Variants in ACTR3C observed in about 807,000 individuals in gnomAD.
The protein encoded by ACTR3C is actin-related protein 3C.
Under a neutral mutation model 26.3 loss-of-function variants are expected in ACTR3C, and 18 were observed. The ratio of observed to expected loss-of-function variants is 0.68; its 90% CI spans 0.47 to 1.01. ACTR3C has a LOEUF of 1.01. ACTR3C is among the 50% of genes least tolerant of loss of function. The pLI is 0.00. For missense variants in ACTR3C, 184 were observed against 250.7 expected, an observed-to-expected ratio of 0.73 and a Z score of 1.80; for synonymous variants, 55 against 94.5, an observed-to-expected ratio of 0.58 and a Z score of 2.42.
the ACTR3C span, among the ~76,000 whole-genome samples, chr7:150,035,406 AG>A: frequency 2.8e-4 from 7 of 24,776 alleles, 1 homozygote; most frequent in Admixed American, 1.2e-3. Context: ...CCTAAGATCC[AG>A]GGGGGGAAGA....
chr7:150,204,874 T>C, the ACTR3C span, among the ~76,000 whole-genome samples: 6 of 148,588 alleles, frequency 4.0e-5, no homozygotes, highest in South Asian at 2.2e-4. Flanking sequence ...GCGAGGAACA[T>C]GCCAAGGAGG....
the ACTR3C span, among the ~76,000 whole-genome samples, chr7:149,931,692 C>T: frequency 9.2e-5 from 14 of 152,106 alleles, no homozygotes; most frequent in Non-Finnish European, 1.6e-4. Context: ...GGGCCACATC[C>T]CAGTGAGGAA....
At chr7:150,150,392 G>C in the ACTR3C span, among the ~76,000 whole-genome samples, 2 of 152,220 alleles carry the variant, frequency 1.3e-5, no homozygotes, top group Non-Finnish European at 2.9e-5. Flanking sequence ...ACAGATGGGA[G>C]ACAGGGAGAG....
chr7:149,983,122 A>T, the ACTR3C span, among the ~76,000 whole-genome samples: 1 of 152,154 alleles, frequency 6.6e-6, no homozygotes, highest in African/African-American at 2.4e-5. Flanking sequence ...AAACAACTCA[A>T]AATATATTAA....
the ACTR3C span, among the ~76,000 whole-genome samples, chr7:149,933,338 T>A: frequency 4.0e-5 from 6 of 151,404 alleles, no homozygotes; most frequent in Middle Eastern, 3.2e-3. Flanking sequence ...ATCTTATTGA[T>A]ACATCTGCCT....
At chr7:149,900,268 C>T in the ACTR3C span, among the ~76,000 whole-genome samples, 54 of 152,088 alleles carry the variant, frequency 3.6e-4, no homozygotes, top group Admixed American at 2.8e-3. Context: ...CTCCACCTCC[C>T]GGGTTTAAGC....
chr7:150,150,366 C>A, the ACTR3C span, among the ~76,000 whole-genome samples: 1 of 152,222 alleles, frequency 6.6e-6, no homozygotes, highest in Non-Finnish European at 1.5e-5. Context: ...GAGATTGAGG[C>A]TATGTTCTCA....
At chr7:150,143,491 A>T in the ACTR3C span, among the ~76,000 whole-genome samples, 243 of 152,284 alleles carry the variant, frequency 1.6e-3, no homozygotes, top group Non-Finnish European at 2.1e-3. Context: ...CAGCTTGCAG[A>T]TTCAACGACT....
At chr7:150,033,457 C>T in the ACTR3C span, among the ~76,000 whole-genome samples, 1 of 152,212 alleles carries the variant, frequency 6.6e-6, no homozygotes, top group Non-Finnish European at 1.5e-5. Flanking sequence ...CATGCACCTG[C>T]CGTCGGAAGA....
intron 6 of ACTR3C, among the ~76,000 whole-genome samples, chr7:150,259,800 G>A (rs181545219): frequency 2.4e-4 from 37 of 152,244 alleles, no homozygotes; most frequent in African/African-American, 7.7e-4. Flanking sequence ...TCTCAAAGGT[G>A]CCCCACCTGT....
At chr7:150,068,852 T>C in the ACTR3C span, among the ~76,000 whole-genome samples, 1 of 145,366 alleles carries the variant, frequency 6.9e-6, no homozygotes, top group Non-Finnish European at 1.5e-5. Flanking sequence ...GGATACCCAA[T>C]GATAAACAAT....
At chr7:150,157,969 G>T in the ACTR3C span, among the ~76,000 whole-genome samples, 1 of 152,146 alleles carries the variant, frequency 6.6e-6, no homozygotes, top group African/African-American at 2.4e-5. Context: ...ATCCAGAGAA[G>T]AAGGAACTCC....
chr7:150,290,483 C>T (rs1046336382), intron 3 of ACTR3C, among the ~76,000 whole-genome samples: 10 of 152,226 alleles, frequency 6.6e-5, no homozygotes, highest in African/African-American at 1.2e-4. Context: ...CTGGATCATC[C>T]GGTAAAGACA....
the ACTR3C span, among the ~76,000 whole-genome samples, chr7:150,049,455 G>A: frequency 6.6e-6 from 1 of 152,236 alleles, no homozygotes; most frequent in Non-Finnish European, 1.5e-5. Context: ...CCACATGGAG[G>A]TAGGTCGTTG....
chr7:149,977,576 C>T, the ACTR3C span, among the ~76,000 whole-genome samples: 1 of 152,162 alleles, frequency 6.6e-6, no homozygotes, highest in East Asian at 1.9e-4. Flanking sequence ...GACCTCTGTT[C>T]AGTTACACGA....
At chr7:150,310,402 C>T (rs1183500204) in intron 1 of ACTR3C, among the ~76,000 whole-genome samples, 1 of 152,156 alleles carries the variant, frequency 6.6e-6, no homozygotes, top group African/African-American at 2.4e-5. Flanking sequence ...TACAGCATGG[C>T]CTTTTAAAGC....
chr7:149,935,876 G>A, the ACTR3C span, among the ~76,000 whole-genome samples: 1 of 152,310 alleles, frequency 6.6e-6, no homozygotes, highest in Non-Finnish European at 1.5e-5. Context: ...AGCTGCACTT[G>A]TGGGAGCCTC....
the ACTR3C span, among the ~76,000 whole-genome samples, chr7:149,887,829 A>C: frequency 6.6e-6 from 1 of 152,140 alleles, no homozygotes; most frequent in Non-Finnish European, 1.5e-5. Context: ...TTCCCATGCT[A>C]TTCTTGTGAT....
chr7:150,186,705 T>G, the ACTR3C span, among the ~76,000 whole-genome samples: 1 of 152,196 alleles, frequency 6.6e-6, no homozygotes, highest in African/African-American at 2.4e-5. Context: ...TCATTGTGTG[T>G]GTTAGAGCTT....
Sources: gnomAD v4.1 joint callset for allele counts (sites outside exome capture counted in the v4.1 genomes callset) on GRCh38, gnomAD v4.1.1 for gene constraint, MANE v1.5 for transcripts, NCBI Gene and HGNC (gene_info 2026-07-23, HGNC 2026-07-21) for gene names.